ANKRD34C: variants seen among roughly 807,000 people sequenced by gnomAD.
ANKRD34C encodes ankyrin repeat domain 34C.
For synonymous variants in ANKRD34C, 260 were observed against 253.6 expected (o/e 1.03, Z -0.24); for missense variants, 563 against 653.0 (o/e 0.86, Z 1.50).
In ANKRD34C at chr15:79,293,298, A is replaced by G. The variant is rs2141203000; in HGVS notation, c.14A>G (p.Asp5Gly). The change falls in exon 2 of 2, where the codon GAC (aspartate) becomes GGC (glycine). Residue 5 changes from aspartate to glycine, a missense_variant. Physicochemically the swap from Asp to Gly is moderately conservative, Grantham distance 94. Coordinates refer to ENST00000421388, the MANE Select transcript of ANKRD34C (RefSeq NM_001146341.2). Reference protein sequence around the residue: MMDDDTELRTDGNSL... With the variant: MMDDGTELRTDGNSL... ...ACTGTAGCCAATATGATGGATGATG[A>G]CACTGAATTAAGGACTGATGGAAAC... The G allele has an allele frequency of 6.6e-7, 1 of 1,520,804 alleles. No homozygotes were observed. Among genetic ancestry groups the G allele is most frequent in the Non-Finnish European group, 8.8e-7 (1 of 1,132,054 alleles). 94.2% of individuals were successfully genotyped at this position (1,520,804 alleles called of 1,614,324 possible).
intron 1 of ANKRD34C, among the ~76,000 whole-genome samples, 52 bp downstream of exon 1, chr15:79,283,280 C>T (rs2058633896): frequency 6.6e-6 from 1 of 152,260 alleles, no homozygotes; most frequent in Non-Finnish European, 1.5e-5. Flanking sequence ...GGACCTCGAG[C>T]TCCCGAGAAG....
chr15:79,284,805 A>G (rs2058638839), intron 1 of ANKRD34C, among the ~76,000 whole-genome samples: 3 of 152,190 alleles, frequency 2.0e-5, no homozygotes, highest in Admixed American at 6.5e-5. Context: ...AAAATTACTC[A>G]GGTACTTAGT....
chr15:79,293,843 TCTCCCTCTGACATAGA>T lies in ANKRD34C; in HGVS notation c.560_575del (p.Ser187CysfsTer2). Reference sequence around the variant, plus strand: ...CAGGCATTCACCTCCACTGTGTGCGTCTCCCTCTGACATAGAGCTGAAGGCTCTAGGCCTGGACTCT... The same window carrying T: ...CAGGCATTCACCTCCACTGTGTGCGTGCTGAAGGCTCTAGGCCTGGACTCT... On this transcript the variant is annotated frameshift_variant, in exon 2 of 2. Coordinates refer to ENST00000421388, the MANE Select transcript of ANKRD34C (RefSeq NM_001146341.2). LOFTEE classifies it low-confidence loss of function (END_TRUNC). The T allele has an allele frequency of 1.3e-6, 2 of 1,551,688 alleles. No individual in the cohort carries two copies. The highest frequency in any genetic ancestry group is 1.7e-6 in the Non-Finnish European group (2 of 1,146,966).
intron 1 of ANKRD34C, among the ~76,000 whole-genome samples, chr15:79,291,768 CACA>C (rs1177723225): frequency 1.3e-5 from 2 of 152,062 alleles, no homozygotes; most frequent in African/African-American, 4.8e-5. Flanking sequence ...AACACATAAA[CACA>C]ACAACATCAG....
rs1376610433 is a variant in ANKRD34C at position 79,294,334 on chromosome 15, T to C, written c.1050T>C (p.Pro350=). ...GTCTGGCCAGGAGAGGAACTCTCCC[T>C]GTTGACCAAGAGAAATGTGGTATGG... ...HPRLARRGTL[P]VDQEKCGMGP... The change falls in exon 2 of 2, where the codon CCT becomes CCC. Residue 350 remains proline, a synonymous_variant. Transcript: ENST00000421388. 6.4e-7 allele frequency: 1 copy of C among 1,551,706 alleles called. No individual in the cohort carries two copies. The highest frequency in any genetic ancestry group is 1.4e-5 in the African/African-American group (1 of 73,180).
rs2058671697 is a variant in ANKRD34C at position 79,296,122 on chromosome 15, G to A, written c.*1230G>A. On this transcript the variant is annotated 3_prime_UTR_variant, in exon 2 of 2. Transcript: ENST00000421388. ...CCTCTCGTGCTGCTGAGATCTATTT[G>A]CTCTATGGTTAAAAAGTTCAATAGT... 6.0e-6 allele frequency: 1 copy of A among 167,002 alleles called. No individual in the cohort carries two copies. Among genetic ancestry groups the A allele is most frequent in the Non-Finnish European group, 1.5e-5 (1 of 68,106 alleles). 10.3% of individuals were successfully genotyped at this position (167,002 alleles called of 1,614,324 possible).
intron 1 of ANKRD34C, among the ~76,000 whole-genome samples, chr15:79,285,909 C>G (rs1056977875): frequency 1.3e-5 from 2 of 152,152 alleles, no homozygotes; most frequent in African/African-American, 2.4e-5. Flanking sequence ...GTTTCAATTC[C>G]TGTATTTAAG....
Position 79,291,599 on chromosome 15 carries a change from CACAGAGAG to C in ANKRD34C, c.-44-1640_-44-1633del, listed in dbSNP as rs1376850574. Among the ~76,000 whole-genome samples, 566 of 104,114 alleles carry C rather than the reference CACAGAGAG, an allele frequency of 5.4e-3. 2 individuals are homozygous for C. The highest frequency in any genetic ancestry group is 0.014 in the African/African-American group (365 of 26,260). 68.3% of individuals were successfully genotyped at this position (104,114 alleles called of 152,430 possible). ...ACACACACACACACACACACACACA[CACAGAGAG>C]AGAGAGAGAGAGAGAGAGAGAGAGA... On this transcript the variant is annotated intron_variant, in intron 1 of 1. Transcript: ENST00000421388.
chr15:79,286,309 A>G (rs1452020927), intron 1 of ANKRD34C, among the ~76,000 whole-genome samples: 2 of 151,566 alleles, frequency 1.3e-5, no homozygotes, highest in South Asian at 4.2e-4. Context: ...TTCTCAGTTT[A>G]CTCTTCTTAT....
At chr15:79,288,369 G>A (rs2058651032) in intron 1 of ANKRD34C, among the ~76,000 whole-genome samples, 1 of 152,222 alleles carries the variant, frequency 6.6e-6, no homozygotes, top group Non-Finnish European at 1.5e-5. Flanking sequence ...TATGGAAATT[G>A]TATAATCTAT....
intron 1 of ANKRD34C, among the ~76,000 whole-genome samples, chr15:79,292,225 G>A (rs1474219078): frequency 6.6e-6 from 1 of 152,164 alleles, no homozygotes; most frequent in African/African-American, 2.4e-5. Flanking sequence ...CAGAGACATG[G>A]CCAATGTGGT....
At position 79,294,201 on chromosome 15, in the gene ANKRD34C, A is replaced by G. The variant is rs777603919; in HGVS notation, c.917A>G (p.Asp306Gly). The G allele has an allele frequency of 1.3e-4, 205 of 1,551,144 alleles. No individual in the cohort carries two copies. The highest frequency in any genetic ancestry group is 1.7e-4 in the Non-Finnish European group (190 of 1,146,888). ...LSRTNSIDSK[D>G]PTLFHTVTEQ... ...AGAACCAACAGTATCGATAGCAAAG[A>G]CCCCACCCTCTTTCACACAGTCACA... Residue 306 changes from aspartate to glycine, a missense_variant, in exon 2 of 2, where the codon GAC (aspartate) becomes GGC (glycine). Physicochemically the swap from Asp to Gly is moderately conservative, Grantham distance 94. Transcript: ENST00000421388.
intron 1 of ANKRD34C, among the ~76,000 whole-genome samples, chr15:79,288,814 T>A: frequency 2.4e-5 from 1 of 42,498 alleles, no homozygotes; most frequent in Non-Finnish European, 6.9e-5. Flanking sequence ...CCAGTATTCT[T>A]TTTTTTTTTT....
At chr15:79,290,842 A>G (rs926295107) in intron 1 of ANKRD34C, among the ~76,000 whole-genome samples, 4 of 152,192 alleles carry the variant, frequency 2.6e-5, no homozygotes, top group Non-Finnish European at 4.4e-5. Flanking sequence ...GCTTTGGTTC[A>G]GTCTAGTTCA....
At position 79,295,993 on chromosome 15, in the gene ANKRD34C, G is replaced by A. The variant is rs2058671398; in HGVS notation, c.*1101G>A. ...GAAATAACCTGCACAACCCTTTTAG[G>A]CTGCTTTGAGCAAATCCAAGAAGGA... is the stretch of plus-strand genomic sequence containing the variant. On this transcript the variant is annotated 3_prime_UTR_variant, in exon 2 of 2. Coordinates refer to ENST00000421388, the MANE Select transcript of ANKRD34C (RefSeq NM_001146341.2). The A allele has an allele frequency of 6.0e-6, 1 of 167,036 alleles. No homozygotes were observed. The allele number at this position is 167,036 out of a possible 1,614,324, so 10.3% of individuals were successfully genotyped here. A position where few individuals can be genotyped will look rare whatever the true frequency, so the allele number is the denominator to read the frequency against.
At chr15:79,286,701 G>A (rs1356960239) in intron 1 of ANKRD34C, among the ~76,000 whole-genome samples, 6 of 151,954 alleles carry the variant, frequency 3.9e-5, no homozygotes, top group Admixed American at 6.6e-5. Flanking sequence ...CAGGGGCTCC[G>A]AGATGACCCC....
chr15:79,284,582 C>T (rs2058638239), intron 1 of ANKRD34C, among the ~76,000 whole-genome samples: 1 of 152,112 alleles, frequency 6.6e-6, no homozygotes, highest in Non-Finnish European at 1.5e-5. Flanking sequence ...TGAACACTTC[C>T]CTCAGCACAC....
chr15:79,294,579 G>A lies in ANKRD34C; in HGVS notation c.1295G>A (p.Ser432Asn), dbSNP rs781495802. 1 of 1,551,668 alleles carries A rather than the reference G, an allele frequency of 6.4e-7. No individual in the cohort carries two copies. The highest frequency in any genetic ancestry group is 2.0e-5 in the Admixed American group (1 of 50,996). The stretch of plus-strand genomic sequence containing the variant: ...GACACTGTACCTAGCACATCCCCCA[G>A]CTCAGCACGCCGCAGGCCGCCACAT... ...SLDTVPSTSP[S>N]SARRRPPHLL... Residue 432 changes from serine (S) to asparagine (N), a missense_variant, in exon 2 of 2, where the codon AGC becomes AAC. Ser to Asn is a conservative substitution (Grantham distance 46). Transcript: ENST00000421388.
rs566493772 is a variant in ANKRD34C, at chr15:79,294,458, A to C, written c.1174A>C (p.Asn392His). Residue 392 changes from asparagine (N) to histidine (H), a missense_variant, in exon 2 of 2, where the codon AAC becomes CAC. Transcript: ENST00000421388. ...TATACAGCCAGGGCCTGACCCTCCC[A>C]ACTCCATTTCCCTTGAATCCGGCAA... is the stretch of plus-strand genomic sequence containing the variant. ...LDIQPGPDPP[N>H]SISLESGKGP... is the part of the protein sequence containing the mutation. The C allele has an allele frequency of 3.9e-6, 6 of 1,551,674 alleles. No homozygotes were observed. The East Asian group carries it at 1.5e-4, about 38-fold the overall frequency.
Sources: gnomAD v4.1 joint callset for allele counts (sites outside exome capture counted in the v4.1 genomes callset) on GRCh38, gnomAD v4.1.1 for gene constraint, MANE v1.5 for transcripts, NCBI Gene and HGNC (gene_info 2026-07-23, HGNC 2026-07-21) for gene names.